Variants in PAN3 observed in about 807,000 individuals in gnomAD.
The protein encoded by PAN3 is poly(A) specific ribonuclease subunit PAN3, also known as PAN2-PAN3 deadenylation complex subunit PAN3.
In PAN3, 19 loss-of-function variants were observed where a neutral mutation model predicts 96.2. The observed-to-expected ratio is 0.20, with a 90% CI of 0.14 to 0.29. The LOEUF (loss-of-function observed/expected upper bound fraction) is 0.29, where lower values mean the gene tolerates loss of function less well. PAN3 is among the 10% of genes least tolerant of loss of function. PAN3 has a pLI of 1.00. For missense variants in PAN3, 882 were observed against 1,108.1 expected (o/e 0.80, Z 2.90); for synonymous variants, 433 against 406.6 (o/e 1.06, Z -0.78).
At chr13:28,140,048 A>T (rs1477033009) in intron 1 of PAN3, among the ~76,000 whole-genome samples, 3 of 152,048 alleles carry the variant, frequency 2.0e-5, no homozygotes, top group Non-Finnish European at 4.4e-5. Flanking sequence ...CCCGAGTTCA[A>T]GCGATTCTGT....
At chr13:28,176,731 G>A (rs556108506) in intron 3 of PAN3, among the ~76,000 whole-genome samples, 172 bp downstream of exon 3, 1 of 151,948 alleles carries the variant, frequency 6.6e-6, no homozygotes, top group Non-Finnish European at 1.5e-5. Flanking sequence ...TCCAGGCCAG[G>A]TGTGGTGGCT....
chr13:28,199,685 G>T (rs1878472550), intron 5 of PAN3, among the ~76,000 whole-genome samples: 1 of 151,936 alleles, frequency 6.6e-6, no homozygotes. Context: ...TTGTATTGGA[G>T]TTTTTATCTT....
intron 1 of PAN3, among the ~76,000 whole-genome samples, chr13:28,145,809 G>C (rs1254876382): frequency 1.3e-5 from 2 of 149,144 alleles, no homozygotes; most frequent in African/African-American, 5.0e-5. Flanking sequence ...ACCCAGGCTG[G>C]AGTGCAGTGG....
intron 1 of PAN3, among the ~76,000 whole-genome samples, chr13:28,150,990 G>A (rs1405569821): frequency 6.6e-6 from 1 of 152,164 alleles, no homozygotes; most frequent in Non-Finnish European, 1.5e-5. Flanking sequence ...GGCAATGGGA[G>A]TGTAGGAATA....
At chr13:28,143,161 C>T (rs1442162122) in intron 1 of PAN3, among the ~76,000 whole-genome samples, 1 of 150,720 alleles carries the variant, frequency 6.6e-6, no homozygotes, top group Non-Finnish European at 1.5e-5. Context: ...GCTGTGTTGT[C>T]TAGGTTGGAC....
At chr13:28,207,617 G>A (rs1249737493) in intron 5 of PAN3, among the ~76,000 whole-genome samples, 1 of 151,144 alleles carries the variant, frequency 6.6e-6, no homozygotes, top group Non-Finnish European at 1.5e-5. Context: ...TCTTGATTTA[G>A]CAAACTTGTC....
intron 6 of PAN3, among the ~76,000 whole-genome samples, chr13:28,238,644 G>A (rs1490055166): frequency 6.6e-6 from 1 of 152,084 alleles, no homozygotes; most frequent in African/African-American, 2.4e-5. Flanking sequence ...TTAATGAAAA[G>A]TTGTATTGGC....
intron 4 of PAN3, among the ~76,000 whole-genome samples, chr13:28,186,145 C>G (rs1464239307): frequency 6.6e-6 from 1 of 152,108 alleles, no homozygotes; most frequent in Non-Finnish European, 1.5e-5. Context: ...AAGTCTTTAT[C>G]AGTTCTCATT....
intron 6 of PAN3, among the ~76,000 whole-genome samples, chr13:28,233,407 C>T (rs1048838008): frequency 1.3e-5 from 2 of 151,812 alleles, no homozygotes; most frequent in Non-Finnish European, 2.9e-5. Flanking sequence ...GCCGGGATTA[C>T]AGGCGTGTAC....
At chr13:28,287,714 A>AT (rs1374357119) in intron 17 of PAN3, among the ~76,000 whole-genome samples, 1 of 152,164 alleles carries the variant, frequency 6.6e-6, no homozygotes, top group African/African-American at 2.4e-5. Flanking sequence ...TACCTTTTCC[A>AT]TTTTATCTAA....
rs910801074 is a variant in PAN3, at chr13:28,139,011, C to G, written c.354C>G (p.Asp118Glu). The change falls in exon 1 of 19, where the codon GAC becomes GAG. Residue 118 changes from aspartate (D) to glutamate (E), a missense_variant. Transcript: ENST00000380958. ...AGPPPGPKKP[D>E]LGDPGTGAAA... ...CGCCCCCCGGGCCCAAGAAGCCGGA[C>G]CTGGGGGACCCGGGGACCGGAGCCG... 2.0e-5 allele frequency: 26 copies of G among 1,275,556 alleles called. No individual in the cohort carries two copies. The highest frequency in any genetic ancestry group is 2.4e-5 in the Non-Finnish European group (24 of 1,011,430). 79.0% of individuals were successfully genotyped at this position (1,275,556 alleles called of 1,614,324 possible).
At chr13:28,184,782 G>T (rs147972314) in intron 4 of PAN3, among the ~76,000 whole-genome samples, 121 of 152,004 alleles carry the variant, frequency 8.0e-4, no homozygotes, top group African/African-American at 2.7e-3. Context: ...TATGTTTATT[G>T]GTCATTAGTG....
intron 17 of PAN3, among the ~76,000 whole-genome samples, chr13:28,281,584 C>A (rs1227645019): frequency 3.9e-5 from 6 of 152,220 alleles, no homozygotes; most frequent in South Asian, 2.1e-4. Context: ...TGTATACACA[C>A]AGAAAATATG....
chr13:28,238,714 C>A (rs976645378), intron 6 of PAN3, among the ~76,000 whole-genome samples: 1 of 152,140 alleles, frequency 6.6e-6, no homozygotes, highest in Admixed American at 6.5e-5. Context: ...AAAAAACTTT[C>A]AGTCTAATTC....
At position 28,292,421 on chromosome 13, in the gene PAN3, A is replaced by C. The variant is rs1389964286; in HGVS notation, c.2563A>C (p.Arg855=). The C allele has an allele frequency of 2.5e-6, 4 of 1,609,510 alleles. No homozygotes were observed. The highest frequency in any genetic ancestry group is 3.4e-6 in the Non-Finnish European group (4 of 1,178,188). The change falls in exon 19 of 19, where the codon AGA becomes CGA. Residue 855 remains arginine (R), a synonymous_variant. Transcript: ENST00000380958. ...GCCAGAAAAAATAAGCCTGATTTCC[A>C]GAGATGAGAAGAGTGTACTTGTGGT... is the stretch of plus-strand genomic sequence containing the variant. ...GVPEKISLIS[R]DEKSVLVVTY...
intron 1 of PAN3, among the ~76,000 whole-genome samples, chr13:28,147,371 C>T (rs776633590): frequency 6.6e-6 from 1 of 152,138 alleles, no homozygotes; most frequent in Non-Finnish European, 1.5e-5. Context: ...AGGCATTAAA[C>T]GCATTTTTGA....
chr13:28,206,146 G>C (rs1879321944), intron 5 of PAN3, among the ~76,000 whole-genome samples: 1 of 152,006 alleles, frequency 6.6e-6, no homozygotes, highest in South Asian at 2.1e-4. Context: ...ATGAGGAAAA[G>C]GTTCTTTGGT....
At chr13:28,149,285 C>T (rs181890823) in intron 1 of PAN3, among the ~76,000 whole-genome samples, 10 of 152,096 alleles carry the variant, frequency 6.6e-5, no homozygotes, top group Admixed American at 2.6e-4. Flanking sequence ...ACCCAGGAGA[C>T]CTAGGAGGTA....
chr13:28,266,772 C>T lies in PAN3; in HGVS notation c.1469C>T (p.Pro490Leu). 6.2e-7 allele frequency: 1 copy of T among 1,609,664 alleles called. No individual in the cohort carries two copies. The highest frequency in any genetic ancestry group is 2.2e-5 in the East Asian group (1 of 44,642). Residue 490 changes from proline (P) to leucine (L), a missense_variant, in exon 10 of 19, where the codon CCT (proline) becomes CTT (leucine). This residue lies in a region of PAN3 where 364 missense variants were observed against 513.6 expected (regional missense o/e 0.71). Transcript: ENST00000380958. ...CTATTCCCTCTAGAACCACTGCCAC[C>T]TCCCAACCGGATACAGAAATCAAGT... is the stretch of plus-strand genomic sequence containing the variant. Reference protein sequence around the residue: ...HSLFPLEPLPPPNRIQKSSNF... With the variant: ...HSLFPLEPLPLPNRIQKSSNF...
Sources: gnomAD v4.1 joint callset for allele counts (sites outside exome capture counted in the v4.1 genomes callset) on GRCh38, gnomAD v4.1.1 for gene constraint, gnomAD v4.1.1 regional missense constraint, MANE v1.5 for transcripts, NCBI Gene and HGNC (gene_info 2026-07-23, HGNC 2026-07-21) for gene names.